The following ARID1B variants were observed in gnomAD, a reference collection of about 807,000 sequenced individuals.
ARID1B encodes AT-rich interactive domain-containing protein 1B.
Under a neutral mutation model 212.3 loss-of-function variants are expected in ARID1B, and 30 were observed. The observed-to-expected ratio is 0.14, with a 90% confidence interval of 0.11 to 0.19. The LOEUF is 0.19. Among genes scored for constraint, ARID1B ranks in the 10% least tolerant of loss-of-function variants. ARID1B has a pLI of 1.00. For synonymous variants in ARID1B, 1,402 were observed against 1,301.7 expected, an observed-to-expected ratio of 1.08 and a Z score of -1.66; for missense variants, 2,891 against 3,204.0, an observed-to-expected ratio of 0.90 and a Z score of 2.36.
chr6:157,005,759 A>G (rs887430274), intron 4 of ARID1B, among the ~76,000 whole-genome samples: 1 of 152,194 alleles, frequency 6.6e-6, no homozygotes, highest in Non-Finnish European at 1.5e-5. Flanking sequence ...AACTAACAAA[A>G]TAACTTCAGA....
At position 157,148,375 on chromosome 6, in the gene ARID1B, C is replaced by T. The variant is rs558574777; in HGVS notation, c.2762-249C>T. ...TTTGTTTGTTTCTTTTTATGACCAGCCTGAATTTCTCTTCATCAGTGCAGT... is the reference window on the plus strand; with the variant it reads ...TTTGTTTGTTTCTTTTTATGACCAGTCTGAATTTCTCTTCATCAGTGCAGT... On this transcript the variant is annotated intron_variant, in intron 7 of 19. Coordinates refer to ENST00000636930, the MANE Select transcript of ARID1B (RefSeq NM_001374828.1). The surrounding 1 kb of genome is among the most constrained non-coding windows in gnomAD (Gnocchi z 5.6). 2.0e-5 allele frequency among the ~76,000 whole-genome samples: 3 copies of T among 152,144 alleles called. No homozygotes were observed. The highest frequency in any genetic ancestry group is 6.5e-5 in the Admixed American group (1 of 15,274).
rs1317500934 is a variant in ARID1B at position 157,042,719 on chromosome 6, C to T, written c.2248-41943C>T. On this transcript the variant is annotated intron_variant, in intron 4 of 19. Transcript: ENST00000636930. ...TGTCACCCAGGCTGGAGTACAGTGGCGTGATCTCCACTCACTGCAGCCTCC... is the reference window on the plus strand; with the variant it reads ...TGTCACCCAGGCTGGAGTACAGTGGTGTGATCTCCACTCACTGCAGCCTCC... Among the ~76,000 whole-genome samples, 5 of 148,244 alleles carry T rather than the reference C, an allele frequency of 3.4e-5. No individual in the cohort carries two copies. The East Asian group carries it at 7.9e-4, about 23-fold the overall frequency.
chr6:156,960,055 T>C (rs1243032004), intron 4 of ARID1B, among the ~76,000 whole-genome samples: 2 of 151,372 alleles, frequency 1.3e-5, no homozygotes, highest in African/African-American at 2.4e-5. Context: ...TTCAGCCTCC[T>C]GAGTAGCTGG....
intron 4 of ARID1B, among the ~76,000 whole-genome samples, chr6:157,020,302 T>G (rs1024696749): frequency 2.0e-5 from 3 of 152,232 alleles, no homozygotes; most frequent in Non-Finnish European, 2.9e-5. Flanking sequence ...TAACATCATG[T>G]TAGTCATTTA....
In ARID1B at chr6:156,777,718, C is replaced by CGGCGCGGGCGCG. The variant is rs1157870200; in HGVS notation, c.48_59dup (p.Arg17_Ala20dup). Reference sequence around the variant, plus strand: ...GCAGCAGCGGCGGCGGCGGCGGCGGCGGCGCGGGCGCGGGCGCGGGCAGGC... The same window carrying CGGCGCGGGCGCG: ...GCAGCAGCGGCGGCGGCGGCGGCGGCGGCGCGGGCGCGGGCGCGGGCGCGGGCGCGGGCAGGC... On this transcript the variant is annotated inframe_insertion, in exon 1 of 20. Coordinates refer to ENST00000636930, the MANE Select transcript of ARID1B (RefSeq NM_001374828.1). The CGGCGCGGGCGCG allele has an allele frequency of 1.2e-5, 2 of 162,706 alleles. No individual in the cohort carries two copies. Among genetic ancestry groups the CGGCGCGGGCGCG allele is most frequent in the African/African-American group, 4.9e-5 (2 of 40,770 alleles). The allele number at this position is 162,706 out of a possible 1,614,324, so 10.1% of individuals were successfully genotyped here.
rs1235681331 is a variant in ARID1B, at chr6:156,934,961, T to TATAA, written c.2137-504_2137-503insTAAA. The stretch of plus-strand genomic sequence containing the variant: ...ATATATATATATATATATATATATA[T>TATAA]AGTTTATATTTCTGCTGTTATTCAC... On this transcript the variant is annotated intron_variant, in intron 3 of 19. Coordinates refer to ENST00000636930, the MANE Select transcript of ARID1B (RefSeq NM_001374828.1). Among the ~76,000 whole-genome samples, 48 of 90,438 alleles carry TATAA rather than the reference T, an allele frequency of 5.3e-4. 3 individuals carry two copies. Among genetic ancestry groups the TATAA allele is most frequent in the African/African-American group, 1.8e-3 (41 of 22,996 alleles). 59.3% of individuals were successfully genotyped at this position (90,438 alleles called of 152,430 possible).
intron 2 of ARID1B, among the ~76,000 whole-genome samples, chr6:156,874,933 A>C (rs886757060): frequency 2.0e-5 from 3 of 152,250 alleles, no homozygotes; most frequent in African/African-American, 7.2e-5. Flanking sequence ...CCTTAAGAGC[A>C]GGAGCCACAT....
intron 2 of ARID1B, among the ~76,000 whole-genome samples, chr6:156,888,442 G>A (rs943809776): frequency 7.2e-5 from 11 of 152,210 alleles, no homozygotes; most frequent in African/African-American, 2.4e-4. Context: ...TAACATGTGT[G>A]TGAAGTACTG....
chr6:156,821,521 A>G (rs1380786191), intron 1 of ARID1B, among the ~76,000 whole-genome samples: 3 of 152,242 alleles, frequency 2.0e-5, no homozygotes, highest in Non-Finnish European at 4.4e-5. Flanking sequence ...AATTCATAAC[A>G]TTCATTGTAG....
chr6:157,086,646 C>G (rs1784987349), intron 5 of ARID1B, among the ~76,000 whole-genome samples: 1 of 152,186 alleles, frequency 6.6e-6, no homozygotes, highest in Admixed American at 6.5e-5. Context: ...GTCTGTCCTT[C>G]CAAATGGGGA....
intron 4 of ARID1B, among the ~76,000 whole-genome samples, chr6:157,070,453 C>G (rs1783943797): frequency 6.6e-6 from 1 of 152,152 alleles, no homozygotes; most frequent in East Asian, 1.9e-4. Flanking sequence ...AAAGTTAACA[C>G]TAAATGTCAC....
At chr6:156,903,794 C>T (rs1465063454) in intron 3 of ARID1B, among the ~76,000 whole-genome samples, 1 of 152,128 alleles carries the variant, frequency 6.6e-6, no homozygotes, top group African/African-American at 2.4e-5. Flanking sequence ...ACGACCAGAA[C>T]ATTTCTTTAT....
intron 13 of ARID1B, among the ~76,000 whole-genome samples, chr6:157,188,342 A>G (rs1282205827): frequency 1.3e-5 from 2 of 152,222 alleles, no homozygotes; most frequent in Admixed American, 6.5e-5. Context: ...GCCAGCGTTC[A>G]TTCCAACCCA....
chr6:156,801,602 A>G (rs1481325146), intron 1 of ARID1B, among the ~76,000 whole-genome samples: 2 of 152,170 alleles, frequency 1.3e-5, no homozygotes, highest in African/African-American at 2.4e-5. Context: ...AAACAAGGAA[A>G]GATTTTTTCC....
At chr6:157,021,168 C>T (rs967560341) in intron 4 of ARID1B, among the ~76,000 whole-genome samples, 5 of 152,062 alleles carry the variant, frequency 3.3e-5, no homozygotes, top group African/African-American at 1.2e-4. Context: ...GCTTTCAGGC[C>T]GCCAGCTCTC....
chr6:157,109,507 C>T (rs1404226863), intron 5 of ARID1B, among the ~76,000 whole-genome samples: 5 of 152,138 alleles, frequency 3.3e-5, no homozygotes, highest in Non-Finnish European at 5.9e-5. Flanking sequence ...CCTCATGTCA[C>T]GAGAGCTAGT....
At chr6:157,157,136 G>A (rs765985200) in intron 8 of ARID1B, among the ~76,000 whole-genome samples, 9 of 152,100 alleles carry the variant, frequency 5.9e-5, no homozygotes, top group Non-Finnish European at 1.0e-4. Context: ...GTCTGGGTCT[G>A]GCCCTCTCAC....
intron 2 of ARID1B, among the ~76,000 whole-genome samples, chr6:156,895,735 T>TACACACAC (rs79108130): frequency 1.3e-5 from 2 of 150,266 alleles, no homozygotes; most frequent in Non-Finnish European, 3.0e-5. Context: ...TACAGGTGTA[T>TACACACAC]ACACACACAC....
chr6:157,100,974 G>A (rs1786012664), intron 5 of ARID1B, among the ~76,000 whole-genome samples: 1 of 152,184 alleles, frequency 6.6e-6, no homozygotes, highest in South Asian at 2.1e-4. Context: ...TCCTCCAGAA[G>A]ATCGGTAAAG....
Sources: gnomAD v4.1 joint callset for allele counts (sites outside exome capture counted in the v4.1 genomes callset) on GRCh38, gnomAD v4.1.1 for gene constraint, Gnocchi (gnomAD v3.1) non-coding constraint, MANE v1.5 for transcripts, NCBI Gene and HGNC (gene_info 2026-07-23, HGNC 2026-07-21) for gene names.